Variants in DOCK9 observed in about 807,000 individuals in gnomAD.
The protein encoded by DOCK9 is dedicator of cytokinesis protein 9.
A neutral mutation model predicts 263.3 loss-of-function variants in DOCK9; 89 were observed. That is an observed-to-expected ratio of 0.34 (90% CI 0.28 to 0.40). The LOEUF (loss-of-function observed/expected upper bound fraction) is 0.40, where lower values mean the gene tolerates loss of function less well. Among genes scored for constraint, DOCK9 ranks in the 10% least tolerant of loss-of-function variants. The pLI is 1.00. For synonymous variants in DOCK9, 976 were observed against 973.1 expected (o/e 1.00, Z -0.06); for missense variants, 2,140 against 2,603.4 (o/e 0.82, Z 3.87).
At chr13:98,819,591 G>A (rs2140508034) in intron 45 of DOCK9, among the ~76,000 whole-genome samples, 1 of 152,302 alleles carries the variant, frequency 6.6e-6, no homozygotes, top group African/African-American at 2.4e-5. Context: ...CTGGCATCCG[G>A]CAAAGGCAGA....
At chr13:98,809,808 C>T (rs1318264086) in intron 46 of DOCK9, among the ~76,000 whole-genome samples, 2 of 152,154 alleles carry the variant, frequency 1.3e-5, no homozygotes, top group African/African-American at 2.4e-5. Context: ...CCTCCCAAGC[C>T]CAGGATGGAC....
chr13:98,915,201 T>G (rs1362251269), intron 8 of DOCK9, 128 bp downstream of exon 8: 14 of 829,556 alleles, frequency 1.7e-5, no homozygotes, highest in Non-Finnish European at 2.5e-5. Flanking sequence ...AGGATATTTG[T>G]AAAGAGCTCC....
chr13:98,886,123 A>G (rs12430163), intron 19 of DOCK9, among the ~76,000 whole-genome samples: 19,227 of 152,214 alleles, frequency 0.13, 1,322 homozygotes, highest in South Asian at 0.2. Flanking sequence ...ATGAAGAACC[A>G]GGATAGAACA....
chr13:98,995,550 G>A (rs1168058772), intron 1 of DOCK9, among the ~76,000 whole-genome samples: 7 of 146,872 alleles, frequency 4.8e-5, no homozygotes, highest in Non-Finnish European at 7.4e-5. Flanking sequence ...GTACAGTGGC[G>A]CGATCTCGGC....
intron 1 of DOCK9, among the ~76,000 whole-genome samples, chr13:99,018,812 T>A (rs1410578956): frequency 6.6e-6 from 1 of 152,212 alleles, no homozygotes; most frequent in Non-Finnish European, 1.5e-5. Context: ...AAAGAGTATA[T>A]ATTTCAATTT....
chr13:98,796,209 C>G, intron 52 of DOCK9: 2 of 1,586,558 alleles, frequency 1.3e-6, no homozygotes, highest in South Asian at 1.1e-5. Flanking sequence ...ACATTACCAT[C>G]CCAGCTGAAC....
intron 1 of DOCK9, among the ~76,000 whole-genome samples, chr13:99,029,689 G>A (rs1220399829): frequency 6.6e-6 from 1 of 152,178 alleles, no homozygotes; most frequent in East Asian, 1.9e-4. Flanking sequence ...GTGAGTGTTG[G>A]CAAGGATGTA....
chr13:98,915,181 C>A, intron 8 of DOCK9, 148 bp downstream of exon 8: 1 of 697,934 alleles, frequency 1.4e-6, no homozygotes. Flanking sequence ...GTGACAAAAC[C>A]TTTGCTGACA....
At chr13:98,860,369 TG>T in intron 33 of DOCK9, 35 bp downstream of exon 33, 1 of 1,556,616 alleles carries the variant, frequency 6.4e-7, no homozygotes. Context: ...TTCAGAGTGA[TG>T]GTGGAGAGAA....
chr13:98,974,791 AAAAAAGAAAG>A (rs996848400), intron 1 of DOCK9, among the ~76,000 whole-genome samples: 9 of 148,444 alleles, frequency 6.1e-5, no homozygotes, highest in African/African-American at 2.0e-4. Context: ...TCCACCTCCA[AAAAAAGAAAG>A]AAAAAGAAAT....
chr13:98,824,850 T>C (rs954685934), intron 44 of DOCK9, among the ~76,000 whole-genome samples: 6 of 152,320 alleles, frequency 3.9e-5, no homozygotes, highest in South Asian at 2.1e-4. Context: ...GGATGACTCG[T>C]GCTGAGATAC....
intron 2 of DOCK9, among the ~76,000 whole-genome samples, chr13:98,943,833 A>G (rs886716514): frequency 6.8e-6 from 1 of 146,530 alleles, no homozygotes; most frequent in African/African-American, 2.6e-5. Flanking sequence ...GTTACAAATA[A>G]TCATAATAAA....
At chr13:98,835,436 G>A (rs889596996) in intron 39 of DOCK9, among the ~76,000 whole-genome samples, 1 of 152,204 alleles carries the variant, frequency 6.6e-6, no homozygotes, top group Non-Finnish European at 1.5e-5. Flanking sequence ...GCCAGAGAGT[G>A]CACCATACAT....
At chr13:98,989,631 T>C (rs545088826) in intron 1 of DOCK9, among the ~76,000 whole-genome samples, 1 of 152,212 alleles carries the variant, frequency 6.6e-6, no homozygotes, top group East Asian at 1.9e-4. Flanking sequence ...ATGACACATA[T>C]GAGGGTATTT....
intron 1 of DOCK9, among the ~76,000 whole-genome samples, chr13:99,001,766 C>A (rs78028082): frequency 0.015 from 2,313 of 152,320 alleles, 36 homozygotes; most frequent in South Asian, 0.056. Context: ...GGGAAGTTAT[C>A]GAAGCTCAAG....
intron 2 of DOCK9, among the ~76,000 whole-genome samples, chr13:98,952,361 G>A (rs1440319832): frequency 1.1e-4 from 16 of 150,966 alleles, no homozygotes; most frequent in African/African-American, 2.9e-4. Context: ...TCAGCCTCCC[G>A]AGTAGCTGGG....
chr13:98,950,098 C>T, intron 2 of DOCK9: 1 of 489,932 alleles, frequency 2.0e-6, no homozygotes. Flanking sequence ...TACAAAGATA[C>T]CACTGAAAAT....
At chr13:98,910,232 C>T (rs1420456222) in intron 9 of DOCK9, among the ~76,000 whole-genome samples, 1 of 152,148 alleles carries the variant, frequency 6.6e-6, no homozygotes, top group Non-Finnish European at 1.5e-5. Flanking sequence ...GATTATGTTA[C>T]TCCTTGACTT....
intron 35 of DOCK9, among the ~76,000 whole-genome samples, chr13:98,851,338 T>C (rs767496341): frequency 1.3e-5 from 2 of 152,166 alleles, no homozygotes; most frequent in Middle Eastern, 3.2e-3. Context: ...TGGGCTTCCA[T>C]CTTTAGGGGT....
Sources: gnomAD v4.1 joint callset for allele counts (sites outside exome capture counted in the v4.1 genomes callset) on GRCh38, gnomAD v4.1.1 for gene constraint, MANE v1.5 for transcripts, NCBI Gene and HGNC (gene_info 2026-07-23, HGNC 2026-07-21) for gene names.